ROBO2: variants seen among roughly 807,000 people sequenced by gnomAD.
ROBO2 encodes the protein roundabout guidance receptor 2.
A neutral mutation model predicts 160.8 loss-of-function variants in ROBO2; 53 were observed. That is an observed-to-expected ratio of 0.33 (90% CI 0.26 to 0.41). The LOEUF (loss-of-function observed/expected upper bound fraction) is 0.41, where lower values mean the gene tolerates loss of function less well. ROBO2 is among the 10% of genes least tolerant of loss of function. ROBO2 has a pLI of 1.00. For missense variants in ROBO2, 1,577 were observed against 1,722.4 expected (o/e 0.92, Z 1.49); for synonymous variants, 664 against 611.7 (o/e 1.09, Z -1.26).
chr3:76,324,794 C>T (rs1004693191), intron 2 of ROBO2, among the ~76,000 whole-genome samples: 1 of 152,146 alleles, frequency 6.6e-6, no homozygotes, highest in African/African-American at 2.4e-5. Context: ...CTAATATAAT[C>T]TGAGAATGTG....
intron 5 of ROBO2, among the ~76,000 whole-genome samples, chr3:77,516,225 T>G (rs2153621374): frequency 6.6e-6 from 1 of 151,646 alleles, no homozygotes; most frequent in African/African-American, 2.4e-5. Flanking sequence ...TGCCAGATTT[T>G]ATAAACATCT....
At chr3:77,511,228 G>A (rs1043440883) in intron 5 of ROBO2, among the ~76,000 whole-genome samples, 5 of 152,020 alleles carry the variant, frequency 3.3e-5, no homozygotes, top group African/African-American at 1.2e-4. Context: ...AGCCTCCCAT[G>A]TCTACCATGG....
At chr3:76,333,281 C>T (rs2073627516) in intron 2 of ROBO2, among the ~76,000 whole-genome samples, 2 of 152,050 alleles carry the variant, frequency 1.3e-5, no homozygotes, top group Admixed American at 1.3e-4. Context: ...ATCTAAAATG[C>T]CTAAGACAGT....
intron 1 of ROBO2, among the ~76,000 whole-genome samples, chr3:77,058,126 T>G (rs2065941927): frequency 6.6e-6 from 1 of 152,166 alleles, no homozygotes; most frequent in African/African-American, 2.4e-5. Flanking sequence ...CTTAGATTAT[T>G]GGGACAACAA....
At chr3:77,038,669 A>C (rs1256067961), upstream of ROBO2, among the ~76,000 whole-genome samples, 2 of 151,914 alleles carry the variant, frequency 1.3e-5, no homozygotes, top group African/African-American at 4.8e-5. Flanking sequence ...ACAAGCATCA[A>C]ACGGCTACCA....
At chr3:77,468,248 A>T (rs925097499) in intron 2 of ROBO2, among the ~76,000 whole-genome samples, 1 of 152,168 alleles carries the variant, frequency 6.6e-6, no homozygotes, top group African/African-American at 2.4e-5. Flanking sequence ...CAAAAATAGG[A>T]CTTCCAAGTG....
intron 2 of ROBO2, among the ~76,000 whole-genome samples, chr3:76,048,220 T>A (rs935197591): frequency 6.6e-6 from 1 of 152,210 alleles, no homozygotes; most frequent in African/African-American, 2.4e-5. Flanking sequence ...CATTCACATC[T>A]CTTAACCTAT....
At chr3:77,592,708 C>T (rs974296795) in intron 17 of ROBO2, among the ~76,000 whole-genome samples, 3 of 151,976 alleles carry the variant, frequency 2.0e-5, no homozygotes, top group East Asian at 1.9e-4. Flanking sequence ...CTTGCCACTG[C>T]GCCCGGCTAA....
chr3:77,360,831 A>G (rs2069867730), intron 2 of ROBO2, among the ~76,000 whole-genome samples: 3 of 151,826 alleles, frequency 2.0e-5, no homozygotes, highest in Admixed American at 1.3e-4. Flanking sequence ...ACCACATTCT[A>G]TATTTTGGGA....
intron 2 of ROBO2, among the ~76,000 whole-genome samples, chr3:76,011,805 T>G (rs2107614579): frequency 6.6e-6 from 1 of 152,250 alleles, no homozygotes; most frequent in Middle Eastern, 3.4e-3. Context: ...CAGTCATCTG[T>G]CTTTCAGCAA....
intron 2 of ROBO2, among the ~76,000 whole-genome samples, chr3:76,894,573 G>T (rs1343299378): frequency 6.6e-6 from 1 of 152,036 alleles, no homozygotes; most frequent in East Asian, 1.9e-4. Flanking sequence ...TGGTAGTATT[G>T]CCATATAAAA....
At chr3:76,341,875 A>T (rs2108179194) in intron 2 of ROBO2, among the ~76,000 whole-genome samples, 1 of 152,292 alleles carries the variant, frequency 6.6e-6, no homozygotes, top group Admixed American at 6.5e-5. Context: ...TGAATCTTTC[A>T]CTATGGTGGA....
At chr3:77,154,356 C>T (rs2077798043) in intron 2 of ROBO2, among the ~76,000 whole-genome samples, 1 of 151,978 alleles carries the variant, frequency 6.6e-6, no homozygotes, top group South Asian at 2.1e-4. Flanking sequence ...TTTAAAATGG[C>T]TTGTTTTTAG....
chr3:76,804,603 C>G (rs1307177962), intron 2 of ROBO2, among the ~76,000 whole-genome samples: 1 of 152,126 alleles, frequency 6.6e-6, no homozygotes, highest in African/African-American at 2.4e-5. Context: ...CAGACAGTCC[C>G]TAAATTTGAA....
At chr3:77,292,865 A>T (rs1228606622) in intron 2 of ROBO2, among the ~76,000 whole-genome samples, 2 of 150,842 alleles carry the variant, frequency 1.3e-5, no homozygotes, top group African/African-American at 4.9e-5. Flanking sequence ...TAGATCACTA[A>T]AGACATAAAG....
chr3:76,577,617 T>A (rs906300717), intron 2 of ROBO2, among the ~76,000 whole-genome samples: 21 of 152,118 alleles, frequency 1.4e-4, no homozygotes, highest in African/African-American at 5.1e-4. Flanking sequence ...ACAACATGAG[T>A]AAGTGCTTGT....
chr3:77,475,002 T>C (rs1368704233), intron 2 of ROBO2, among the ~76,000 whole-genome samples: 1 of 152,174 alleles, frequency 6.6e-6, no homozygotes, highest in Non-Finnish European at 1.5e-5. Context: ...ATGATTTTAC[T>C]CCTTTTTCTA....
At chr3:76,458,956 C>G (rs1177017826) in intron 2 of ROBO2, among the ~76,000 whole-genome samples, 1 of 152,166 alleles carries the variant, frequency 6.6e-6, no homozygotes, top group East Asian at 1.9e-4. Flanking sequence ...GGGGGAGACA[C>G]AGCCAAACCA....
At chr3:77,185,433 G>A (rs1054153464) in intron 2 of ROBO2, among the ~76,000 whole-genome samples, 3 of 151,882 alleles carry the variant, frequency 2.0e-5, no homozygotes, top group Non-Finnish European at 2.9e-5. Flanking sequence ...CAAATAGAAG[G>A]TACATCAAAA....
Sources: allele counts gnomAD v4.1 joint callset (sites outside exome capture counted in the v4.1 genomes callset), GRCh38; gene constraint gnomAD v4.1.1; transcripts MANE v1.5; gene names NCBI Gene and HGNC (gene_info 2026-07-23, HGNC 2026-07-21).